Variants in SMYD2 observed in about 807,000 individuals in gnomAD.
SMYD2 encodes N-lysine methyltransferase SMYD2.
In SMYD2, 53 loss-of-function variants were observed where a neutral mutation model predicts 59.1. The observed-to-expected ratio is 0.90, with a 90% CI of 0.72 to 1.13. The LOEUF (loss-of-function observed/expected upper bound fraction) is 1.13, where lower values mean the gene tolerates loss of function less well. Among genes scored for constraint, SMYD2 ranks in the 50% most tolerant of loss-of-function variants. The pLI is 0.00. For synonymous variants in SMYD2, 208 were observed against 198.8 expected (o/e 1.05, Z -0.39); for missense variants, 494 against 544.7 (o/e 0.91, Z 0.93).
At chr1:214,293,011 TTGTGTGTG>T (rs58012666) in intron 1 of SMYD2, among the ~76,000 whole-genome samples, 24,450 of 136,960 alleles carry the variant, frequency 0.18, 2,492 homozygotes, top group Middle Eastern at 0.33. Context: ...CTTTTTCTGT[TTGTGTGTG>T]TGTGTGTGTG....
chr1:214,330,105 G>C (rs1252574315), intron 7 of SMYD2, 63 bp from the exon 8 acceptor site: 3 of 1,154,288 alleles, frequency 2.6e-6, no homozygotes, highest in East Asian at 5.1e-5. Flanking sequence ...GCAAAGGCAC[G>C]GGAATGACAA....
chr1:214,332,222 C>T (rs370968281), intron 10 of SMYD2, 30 bp downstream of exon 10: 54 of 1,609,160 alleles, frequency 3.4e-5, no homozygotes, highest in African/African-American at 5.3e-5. Context: ...TAATCATCCA[C>T]GGAGTGGAAT....
intron 10 of SMYD2, chr1:214,332,862 T>A (rs534598462): frequency 2.6e-5 from 4 of 151,972 alleles, no homozygotes; most frequent in Non-Finnish European, 5.9e-5. Context: ...TCACTGGAGC[T>A]CTTTTTAAAG....
chr1:214,326,314 C>T (rs1444271498), intron 6 of SMYD2, among the ~76,000 whole-genome samples: 2 of 151,596 alleles, frequency 1.3e-5, no homozygotes, highest in Non-Finnish European at 2.9e-5. Flanking sequence ...ATTATGATAC[C>T]AAGAACATGA....
At chr1:214,320,010 T>A (rs1314021130) in intron 5 of SMYD2, among the ~76,000 whole-genome samples, 3 of 152,090 alleles carry the variant, frequency 2.0e-5, no homozygotes, top group African/African-American at 7.2e-5. Context: ...TACAAATTGT[T>A]TATTGTAGGA....
At chr1:214,296,850 A>G (rs1030916303) in intron 1 of SMYD2, among the ~76,000 whole-genome samples, 3 of 152,242 alleles carry the variant, frequency 2.0e-5, no homozygotes, top group African/African-American at 7.2e-5. Context: ...ATCAAGAAGC[A>G]GCAGAACGAA....
rs2102467672 is a variant in SMYD2, at chr1:214,312,953, G to T, written c.238-1809G>T. On this transcript the variant is annotated intron_variant, in intron 2 of 11. Coordinates refer to ENST00000366957, the MANE Select transcript of SMYD2 (RefSeq NM_020197.3). The surrounding 1 kb of genome is among the most constrained non-coding windows in gnomAD (Gnocchi z 4.1). ...GGCATCCAGTTAGAAGGCAGTGGCA[G>T]GACATTAGTCATGAGAGATGTTGGG... is the stretch of plus-strand genomic sequence containing the variant. Among the ~76,000 whole-genome samples the T allele has an allele frequency of 6.6e-6, 1 of 152,320 alleles. No homozygotes were observed. Among genetic ancestry groups the T allele is most frequent in the African/African-American group, 2.4e-5 (1 of 41,572 alleles).
chr1:214,331,996 C>G lies in SMYD2; in HGVS notation c.938-22C>G, dbSNP rs200824118. ...CTCCAGGCAGCTTGGGCCCGGTGGCCCTTTCCTTGACTCCACAGCACCCCC... is the reference window on the plus strand; with the variant it reads ...CTCCAGGCAGCTTGGGCCCGGTGGCGCTTTCCTTGACTCCACAGCACCCCC... On this transcript the variant is annotated intron_variant, in intron 9 of 11. Transcript: ENST00000366957. 4 of 1,605,120 alleles carry G rather than the reference C, an allele frequency of 2.5e-6. No homozygotes were observed. In the South Asian group the frequency reaches 4.5e-5, roughly 18 times the overall value.
In SMYD2 at chr1:214,296,631, T is replaced by C. The variant is rs540733706; in HGVS notation, c.174-8556T>C. On this transcript the variant is annotated intron_variant, in intron 1 of 11. Transcript: ENST00000366957. ...TGTTCTAAGCAATGTATTAAATGTTTTGCTTGCATTTTCTCATTTAACTTT... is the reference window on the plus strand; with the variant it reads ...TGTTCTAAGCAATGTATTAAATGTTCTGCTTGCATTTTCTCATTTAACTTT... Among the ~76,000 whole-genome samples, 17 of 152,336 alleles carry C rather than the reference T, an allele frequency of 1.1e-4. No homozygotes were observed. In the South Asian group the frequency reaches 3.3e-3, roughly 30 times the overall value.
intron 2 of SMYD2, among the ~76,000 whole-genome samples, chr1:214,307,823 C>CA: frequency 6.6e-6 from 1 of 152,314 alleles, no homozygotes; most frequent in Middle Eastern, 3.4e-3. Context: ...GGGGGAGGCT[C>CA]ACATTAACCA....
In SMYD2 at chr1:214,312,726, C is replaced by CG. The variant is rs1657016823; in HGVS notation, c.238-2034dup. On this transcript the variant is annotated intron_variant, in intron 2 of 11. Coordinates refer to ENST00000366957, the MANE Select transcript of SMYD2 (RefSeq NM_020197.3). The surrounding 1 kb of genome is among the most constrained non-coding windows in gnomAD (Gnocchi z 4.1). ...AAGTGCAGTGAGGCAGGTGAGAGTACGGTGGGGGATGATGGGCTGGGGTGG... is the reference window on the plus strand; with the variant it reads ...AAGTGCAGTGAGGCAGGTGAGAGTACGGGTGGGGGATGATGGGCTGGGGTGG... 6.6e-6 allele frequency among the ~76,000 whole-genome samples: 1 copy of CG among 152,096 alleles called. No individual in the cohort carries two copies. Among genetic ancestry groups the CG allele is most frequent in the Admixed American group, 6.6e-5 (1 of 15,264 alleles).
In SMYD2 at chr1:214,318,864, G is replaced by T. The variant is rs1320349636; in HGVS notation, c.415G>T (p.Asp139Tyr). The stretch of plus-strand genomic sequence containing the variant: ...AATGGATTATTTATCCACAGATCTG[G>T]ATAAGTTAGACAATGAGAAGAAGGA... ...LAVKEFESHL[D>Y]KLDNEKKDLI... Residue 139 changes from aspartate to tyrosine, a missense_variant, in exon 5 of 12, where the codon GAT becomes TAT. Asp to Tyr is a radical substitution (Grantham distance 160). Coordinates refer to ENST00000366957, the MANE Select transcript of SMYD2 (RefSeq NM_020197.3). This position sits in a 1 kb window ranked among gnomAD's most constrained non-coding sequence, Gnocchi z 5.4. 6.2e-7 allele frequency: 1 copy of T among 1,613,708 alleles called. No individual in the cohort carries two copies. The highest frequency in any genetic ancestry group is 1.3e-5 in the African/African-American group (1 of 74,862).
Position 214,281,208 on chromosome 1 carries a change from G to A in SMYD2, c.-47G>A, listed in dbSNP as rs1459261211. 3 of 1,210,824 alleles carry A rather than the reference G, an allele frequency of 2.5e-6. No homozygotes were observed. The highest frequency in any genetic ancestry group is 8.7e-5 in the Admixed American group (2 of 22,922). 75.0% of individuals were successfully genotyped at this position (1,210,824 alleles called of 1,614,324 possible). On this transcript the variant is annotated 5_prime_UTR_variant, in exon 1 of 12. Transcript: ENST00000366957. ...GACGCGTCTCCAATAACAGCTCGCC[G>A]GGAGCCGCAGCTCGGGCACAGCCGG...
chr1:214,285,479 C>T (rs751158169), intron 1 of SMYD2, among the ~76,000 whole-genome samples: 2 of 152,168 alleles, frequency 1.3e-5, no homozygotes, highest in Non-Finnish European at 2.9e-5. Flanking sequence ...TTTAAATCAT[C>T]ATGTTTTCTG....
At chr1:214,304,091 C>T (rs949529027) in intron 1 of SMYD2, among the ~76,000 whole-genome samples, 5 of 152,180 alleles carry the variant, frequency 3.3e-5, no homozygotes, top group African/African-American at 7.2e-5. Context: ...CACACGCGAG[C>T]ACCTAACAGT....
At chr1:214,324,850 A>G (rs1657237019) in intron 6 of SMYD2, 142 bp downstream of exon 6, 9 of 719,564 alleles carry the variant, frequency 1.3e-5, no homozygotes, top group Middle Eastern at 4.0e-4. Flanking sequence ...TTAATCTGCC[A>G]GATTTCAAAA....
intron 1 of SMYD2, among the ~76,000 whole-genome samples, chr1:214,285,784 G>A (rs1656528374): frequency 6.6e-6 from 1 of 152,204 alleles, no homozygotes; most frequent in Non-Finnish European, 1.5e-5. Context: ...GCATGCTAGA[G>A]TGTACTTACA....
intron 1 of SMYD2, among the ~76,000 whole-genome samples, chr1:214,298,247 C>G (rs1656764714): frequency 6.6e-6 from 1 of 152,154 alleles, no homozygotes; most frequent in Non-Finnish European, 1.5e-5. Flanking sequence ...AGAAGTAAAG[C>G]TGCACACCTA....
Position 214,324,632 on chromosome 1 carries a change from T to G in SMYD2, c.535-9T>G. 1 of 1,601,116 alleles carries G rather than the reference T, an allele frequency of 6.2e-7. No homozygotes were observed. On this transcript the variant is annotated splice_polypyrimidine_tract_variant and intron_variant, in intron 5 of 11. Transcript: ENST00000366957. ...CATTTTTTTCCTTTCTCCCTTTTTC[T>G]TGCTGCAGGTTAACTGTAATGGCTT...
Sources: allele counts gnomAD v4.1 joint callset (sites outside exome capture counted in the v4.1 genomes callset), GRCh38; gene constraint gnomAD v4.1.1; non-coding constraint Gnocchi (gnomAD v3.1); transcripts MANE v1.5; gene names NCBI Gene and HGNC (gene_info 2026-07-23, HGNC 2026-07-21).